Variants in HTD2 observed in about 807,000 individuals in gnomAD.
HTD2 encodes the protein hydroxyacyl-thioester dehydratase type 2, mitochondrial.
HTD2 carries 1 observed loss-of-function variant against 3.1 expected under a neutral mutation model. The ratio of observed to expected loss-of-function variants is 0.32; its 90% confidence interval spans 0.11 to 1.52. The LOEUF (loss-of-function observed/expected upper bound fraction) is 1.52. Among genes scored for constraint, HTD2 ranks in the 40% most tolerant of loss-of-function variants. The pLI, the probability that HTD2 is intolerant of heterozygous loss-of-function variation, is 0.39. For missense variants in HTD2, 150 were observed against 79.6 expected (o/e 1.88, Z -3.36); for synonymous variants, 50 against 28.9 (o/e 1.73, Z -2.34).
intron 2 of HTD2, among the ~76,000 whole-genome samples, chr3:58,314,422 C>T (rs1559794886): frequency 2.0e-5 from 3 of 152,024 alleles, no homozygotes; most frequent in Non-Finnish European, 2.9e-5. Flanking sequence ...AGAAAATGGG[C>T]AAAAACATTA....
At position 58,316,527 on chromosome 3, in the gene HTD2, T is replaced by A. The variant is rs755559826; in HGVS notation, c.-318T>A. The stretch of plus-strand genomic sequence containing the variant: ...ATTCCATATGCAGGTTGATGCCGCC[T>A]TACCTTTGGACATCCTAACCTATGA... On this transcript the variant is annotated 5_prime_UTR_variant, in exon 3 of 5. Transcript: ENST00000461393. 35 of 1,614,012 alleles carry A rather than the reference T, an allele frequency of 2.2e-5. No homozygotes were observed. In the Middle Eastern group the frequency reaches 3.3e-3, roughly 152 times the overall value.
chr3:58,318,022 A>G lies in HTD2; in HGVS notation c.409A>G (p.Ile137Val). Residue 137 changes from isoleucine (I) to valine (V), a missense_variant, in exon 5 of 5, where the codon ATT becomes GTT. Coordinates refer to ENST00000461393, the MANE Select transcript of HTD2 (RefSeq NM_001348712.2). ...SAEVKKLKRF[I>V]AIIAVSCSVI... Reference sequence around the variant, plus strand: ...AGAAGTGAAAAAGCTGAAGCGGTTCATTGCTATTATTGCAGTGTCATGTTC... The same window carrying G: ...AGAAGTGAAAAAGCTGAAGCGGTTCGTTGCTATTATTGCAGTGTCATGTTC... The G allele has an allele frequency of 1.4e-6, 1 of 702,776 alleles. No individual in the cohort carries two copies. Among genetic ancestry groups the G allele is most frequent in the Non-Finnish European group, 2.6e-6 (1 of 384,952 alleles). The allele number at this position is 702,776 out of a possible 1,614,324, so 43.5% of individuals were successfully genotyped here.
At position 58,318,697 on chromosome 3, in the gene HTD2, T is replaced by A. The variant is rs1424000725; in HGVS notation, c.*577T>A. The stretch of plus-strand genomic sequence containing the variant: ...CTCAAGAAAGAAGTATTGGGAAGGT[T>A]ATTTAAAGACTCTACTTTTAAATCA... On this transcript the variant is annotated 3_prime_UTR_variant, in exon 5 of 5. Coordinates refer to ENST00000461393, the MANE Select transcript of HTD2 (RefSeq NM_001348712.2). 2 of 151,226 alleles carry A rather than the reference T, an allele frequency of 1.3e-5. No homozygotes were observed. Among genetic ancestry groups the A allele is most frequent in the Non-Finnish European group, 1.5e-5 (1 of 67,902 alleles). The allele number at this position is 151,226 out of a possible 1,614,324, so 9.4% of individuals were successfully genotyped here.
At chr3:58,315,272 A>G (rs1038869956) in intron 2 of HTD2, among the ~76,000 whole-genome samples, 1 of 152,152 alleles carries the variant, frequency 6.6e-6, no homozygotes, top group Non-Finnish European at 1.5e-5. Context: ...GCTGAGCGAA[A>G]AAAAGCCAAT....
Position 58,316,992 on chromosome 3 carries a change from A to G in HTD2, c.-176A>G, listed in dbSNP as rs2097488998. 2 of 1,610,214 alleles carry G rather than the reference A, an allele frequency of 1.2e-6. No homozygotes were observed. Among genetic ancestry groups the G allele is most frequent in the Non-Finnish European group, 1.7e-6 (2 of 1,176,634 alleles). ...AAAAAATGTGCTTTCCGGGTGATTC[A>G]GGTAAAGACTATTCCCTCACATATT... On this transcript the variant is annotated splice_region_variant and 5_prime_UTR_variant, in exon 4 of 5. Coordinates refer to ENST00000461393, the MANE Select transcript of HTD2 (RefSeq NM_001348712.2).
At chr3:58,308,570 A>C (rs1442766476) in intron 1 of HTD2, among the ~76,000 whole-genome samples, 1 of 152,032 alleles carries the variant, frequency 6.6e-6, no homozygotes, top group East Asian at 1.9e-4. Context: ...GCCAGGCCCC[A>C]AAGTATTAAT....
rs1559796645 is a variant in HTD2 at position 58,317,833 on chromosome 3, A to G, written c.220A>G (p.Lys74Glu). 1 of 702,942 alleles carries G rather than the reference A, an allele frequency of 1.4e-6. No individual in the cohort carries two copies. The highest frequency in any genetic ancestry group is 2.7e-5 in the East Asian group (1 of 37,310). The allele number at this position is 702,942 out of a possible 1,614,324, so 43.5% of individuals were successfully genotyped here. Residue 74 changes from lysine to glutamate, a missense_variant, in exon 5 of 5, where the codon AAA becomes GAA. By Grantham distance (56) the Lys-to-Glu change is moderately conservative (BLOSUM62 1). Coordinates refer to ENST00000461393, the MANE Select transcript of HTD2 (RefSeq NM_001348712.2). Reference sequence around the variant, plus strand: ...TTTGCATTTGAATGAAGACTTTGCAAAACACACCAAGTTTGGAAATACAAT... The same window carrying G: ...TTTGCATTTGAATGAAGACTTTGCAGAACACACCAAGTTTGGAAATACAAT... ...NPLHLNEDFA[K>E]HTKFGNTIVH...
chr3:58,310,008 T>A (rs1370025196), intron 1 of HTD2: 2 of 267,202 alleles, frequency 7.5e-6, no homozygotes, highest in East Asian at 1.6e-4. Context: ...GAAACCAGCC[T>A]GGGCAACATG....
intron 1 of HTD2, chr3:58,307,667 G>A (rs2097476992): frequency 6.6e-6 from 1 of 152,134 alleles, no homozygotes; most frequent in African/African-American, 2.4e-5. Flanking sequence ...CTCCAGCCTG[G>A]GCGACAGAGT....
In HTD2 at chr3:58,317,672, G is replaced by C. The variant is rs538545058; in HGVS notation, c.59G>C (p.Cys20Ser). The C allele has an allele frequency of 9.8e-4, 689 of 706,226 alleles. No individual in the cohort carries two copies. Among genetic ancestry groups the C allele is most frequent in the Non-Finnish European group, 1.6e-3 (604 of 386,720 alleles). The allele number at this position is 706,226 out of a possible 1,614,324, so 43.7% of individuals were successfully genotyped here. A position where few individuals can be genotyped will look rare whatever the true frequency, so the allele number is the denominator to read the frequency against. Reference protein sequence around the residue: ...LWWGGLRRTVCLNLPVLTLQH... With the variant: ...LWWGGLRRTVSLNLPVLTLQH... ...TGGGGTGGGCTTCGGAGGACAGTCT[G>C]TCTGAACCTGCCAGTGCTGACCCTG... Residue 20 changes from cysteine (C) to serine (S), a missense_variant, in exon 5 of 5, where the codon TGT (cysteine) becomes TCT (serine). Transcript: ENST00000461393.
At chr3:58,316,692 C>T (rs2097488616) in intron 3 of HTD2, 101 bp downstream of exon 3, 1 of 1,098,234 alleles carries the variant, frequency 9.1e-7, no homozygotes, top group African/African-American at 1.6e-5. Flanking sequence ...TTGTTGTGAA[C>T]TCTGAGCAGC....
chr3:58,313,417 A>G (rs1056525983), intron 2 of HTD2, among the ~76,000 whole-genome samples: 1 of 152,242 alleles, frequency 6.6e-6, no homozygotes, highest in African/African-American at 2.4e-5. Context: ...TCAGAAGTTG[A>G]AAGAAGACAG....
chr3:58,314,675 A>ATTTTTTTTT lies in HTD2; in HGVS notation c.-330-1823_-330-1815dup, dbSNP rs751757663. 3.5e-3 allele frequency among the ~76,000 whole-genome samples: 315 copies of ATTTTTTTTT among 90,582 alleles called. 5 individuals carry two copies. The highest frequency in any genetic ancestry group is 9.1e-3 in the East Asian group (23 of 2,534). The allele number at this position is 90,582 out of a possible 152,430, so 59.4% of individuals were successfully genotyped here. On this transcript the variant is annotated intron_variant, in intron 2 of 4. Coordinates refer to ENST00000461393, the MANE Select transcript of HTD2 (RefSeq NM_001348712.2). ...CCACTCTGGAACATAGTTTGGCAGTATTTTTTTTTTTTTTTTTTTTTTTTT... is the reference window on the plus strand; with the variant it reads ...CCACTCTGGAACATAGTTTGGCAGTATTTTTTTTTTTTTTTTTTTTTTTTTTTTTTTTTT...
Position 58,317,997 on chromosome 3 carries a change from A to G in HTD2, c.384A>G (p.Ala128=), listed in dbSNP as rs140730676. ...TTGGAGAAGTTGTTTTAGCTTCTGC[A>G]GAAGTGAAAAAGCTGAAGCGGTTCA... ...LYIGEVVLAS[A]EVKKLKRFIA... Residue 128 remains alanine, a synonymous_variant, in exon 5 of 5, where the codon GCA becomes GCG. Coordinates refer to ENST00000461393, the MANE Select transcript of HTD2 (RefSeq NM_001348712.2). 1.1e-3 allele frequency: 763 copies of G among 702,952 alleles called. 4 individuals are homozygous for G. In the African/African-American group the frequency reaches 0.012, roughly 11 times the overall value. The allele number at this position is 702,952 out of a possible 1,614,324, so 43.5% of individuals were successfully genotyped here.
chr3:58,310,497 CT>C lies in HTD2; in HGVS notation c.-415-3del. ...TTTAATATGACTTTTTTTTTTTTCACTTTTTTTAGAGAATTTCAAGATTGTG... is the reference window on the plus strand; with the variant it reads ...TTTAATATGACTTTTTTTTTTTTCACTTTTTTAGAGAATTTCAAGATTGTG... On this transcript the variant is annotated splice_polypyrimidine_tract_variant and intron_variant, in intron 1 of 4. Coordinates refer to ENST00000461393, the MANE Select transcript of HTD2 (RefSeq NM_001348712.2). 1 of 1,590,212 alleles carries C rather than the reference CT, an allele frequency of 6.3e-7. No individual in the cohort carries two copies. The highest frequency in any genetic ancestry group is 8.6e-7 in the Non-Finnish European group (1 of 1,168,494).
At chr3:58,312,071 CCCAGGCT>C (rs2097482847) in intron 2 of HTD2, among the ~76,000 whole-genome samples, 1 of 151,742 alleles carries the variant, frequency 6.6e-6, no homozygotes. Flanking sequence ...CACTATGTTG[CCCAGGCT>C]CCTGGACTCA....
At chr3:58,313,668 T>C (rs1399172019) in intron 2 of HTD2, among the ~76,000 whole-genome samples, 1 of 151,932 alleles carries the variant, frequency 6.6e-6, no homozygotes, top group Non-Finnish European at 1.5e-5. Context: ...CAAAACAATT[T>C]GAAAAATTGA....
rs1477080554 is a variant in HTD2, at chr3:58,306,580, AGAACGTGGC to A, written c.-486_-478del. ...CGGCGCCGCGTAGGGTCTCGGCCGC[AGAACGTGGC>A]CGAGAGGCCCGGGCGAGACTTCGGG... On this transcript the variant is annotated 5_prime_UTR_variant, in exon 1 of 5. Coordinates refer to ENST00000461393, the MANE Select transcript of HTD2 (RefSeq NM_001348712.2). The A allele has an allele frequency of 6.6e-6, 1 of 152,058 alleles. No homozygotes were observed. Among genetic ancestry groups the A allele is most frequent in the Non-Finnish European group, 1.5e-5 (1 of 68,040 alleles). The allele number at this position is 152,058 out of a possible 1,614,324, so 9.4% of individuals were successfully genotyped here. A position where few individuals can be genotyped will look rare whatever the true frequency, so the allele number is the denominator to read the frequency against.
intron 2 of HTD2, among the ~76,000 whole-genome samples, chr3:58,313,229 A>G (rs1456049822): frequency 6.6e-6 from 1 of 152,196 alleles, no homozygotes; most frequent in East Asian, 1.9e-4. Flanking sequence ...ACTGCACTCC[A>G]GCCTGGGCGA....
Sources: gnomAD v4.1 joint callset for allele counts (sites outside exome capture counted in the v4.1 genomes callset) on GRCh38, gnomAD v4.1.1 for gene constraint, MANE v1.5 for transcripts, NCBI Gene and HGNC (gene_info 2026-07-23, HGNC 2026-07-21) for gene names.